QTMAN: variants seen among roughly 807,000 people sequenced by gnomAD.
QTMAN encodes the protein queuosine-tRNA mannosyltransferase, also known as tRNA-queuosine alpha-mannosyltransferase.
At chr2:144,165,484 A>AAG in the QTMAN span, among the ~76,000 whole-genome samples, 1 of 152,306 alleles carries the variant, frequency 6.6e-6, no homozygotes, top group East Asian at 1.9e-4. Context: ...TACTTGGCAT[A>AAG]TTCACTACCA....
At chr2:143,975,374 C>G in the QTMAN span, among the ~76,000 whole-genome samples, 1 of 152,200 alleles carries the variant, frequency 6.6e-6, no homozygotes, top group Non-Finnish European at 1.5e-5. Flanking sequence ...TCTCCTTAGT[C>G]TCTTCCCTTG....
At chr2:143,997,901 T>G in the QTMAN span, among the ~76,000 whole-genome samples, 1 of 152,094 alleles carries the variant, frequency 6.6e-6, no homozygotes, top group East Asian at 1.9e-4. Context: ...TGAGGAACAT[T>G]AACCCCTGGC....
chr2:144,189,808 G>C, the QTMAN span, among the ~76,000 whole-genome samples: 2 of 152,036 alleles, frequency 1.3e-5, no homozygotes, highest in African/African-American at 2.4e-5. Context: ...TTTTAGTAGA[G>C]ATGGGGTTTC....
At chr2:144,051,720 A>T in the QTMAN span, among the ~76,000 whole-genome samples, 2 of 152,150 alleles carry the variant, frequency 1.3e-5, no homozygotes, top group Non-Finnish European at 2.9e-5. Context: ...CTTCATGAAG[A>T]AGTAGAAAGC....
the QTMAN span, chr2:144,177,071 C>G: frequency 1.7e-6 from 1 of 594,966 alleles, no homozygotes; most frequent in South Asian, 1.6e-5. Flanking sequence ...AGAATTCTAT[C>G]ACAAGGACAG....
At chr2:143,947,053 C>A in the QTMAN span, 9 of 1,609,768 alleles carry the variant, frequency 5.6e-6, no homozygotes, top group African/African-American at 1.3e-5. Context: ...CCCCATCTGT[C>A]ACAAATCTTC....
At chr2:144,158,759 G>C in the QTMAN span, among the ~76,000 whole-genome samples, 3 of 151,932 alleles carry the variant, frequency 2.0e-5, no homozygotes, top group African/African-American at 7.2e-5. Flanking sequence ...CCAAAATTAT[G>C]GTTCCCTCAG....
chr2:144,076,610 A>C, the QTMAN span, among the ~76,000 whole-genome samples: 4 of 152,200 alleles, frequency 2.6e-5, no homozygotes, highest in Admixed American at 6.5e-5. Context: ...TGCTCACTTA[A>C]TAGGTGAAAA....
the QTMAN span, chr2:144,317,435 G>GGAAGGAAGGAAGGA: frequency 1.4e-4 from 9 of 66,052 alleles, no homozygotes; most frequent in Admixed American, 3.0e-4. Flanking sequence ...GGAAGGAAGG[G>GGAAGGAAGGAAGGA]ACAATAAAAT....
chr2:144,151,932 A>T, the QTMAN span, among the ~76,000 whole-genome samples: 1 of 152,200 alleles, frequency 6.6e-6, no homozygotes, highest in Non-Finnish European at 1.5e-5. Context: ...TTACAAGAAC[A>T]CTGCCTAACA....
At chr2:144,277,801 C>G in the QTMAN span, among the ~76,000 whole-genome samples, 36 of 152,056 alleles carry the variant, frequency 2.4e-4, no homozygotes, top group Non-Finnish European at 5.0e-4. Flanking sequence ...TGCCCCTTTC[C>G]TTTTTGAAAG....
At chr2:143,982,774 C>A in the QTMAN span, among the ~76,000 whole-genome samples, 4 of 149,866 alleles carry the variant, frequency 2.7e-5, no homozygotes, top group Non-Finnish European at 4.4e-5. Flanking sequence ...CACAGGAGAA[C>A]CTCCGTGTGG....
chr2:143,996,159 G>A, the QTMAN span, among the ~76,000 whole-genome samples: 1 of 152,148 alleles, frequency 6.6e-6, no homozygotes, highest in Non-Finnish European at 1.5e-5. Context: ...GAGATCAGAA[G>A]GGCAGTCCTC....
At chr2:143,992,051 G>A in the QTMAN span, among the ~76,000 whole-genome samples, 2 of 152,352 alleles carry the variant, frequency 1.3e-5, no homozygotes, top group East Asian at 3.9e-4. Flanking sequence ...AGCTCATTGA[G>A]AACGGGCCAT....
the QTMAN span, among the ~76,000 whole-genome samples, chr2:144,175,250 C>T: frequency 2.3e-4 from 35 of 152,258 alleles, no homozygotes; most frequent in Non-Finnish European, 4.0e-4. Flanking sequence ...AATCTTACCA[C>T]TCTGTTCATT....
the QTMAN span, among the ~76,000 whole-genome samples, chr2:144,013,779 T>G: frequency 6.6e-6 from 1 of 152,154 alleles, no homozygotes; most frequent in Non-Finnish European, 1.5e-5. Context: ...CTTGGGTGAT[T>G]TACAACAAAA....
chr2:144,066,082 T>C, the QTMAN span, among the ~76,000 whole-genome samples: 25,231 of 152,116 alleles, frequency 0.17, 4,029 homozygotes, highest in African/African-American at 0.41. Flanking sequence ...ATCTTCTGCA[T>C]GCTGTGGATT....
At chr2:144,078,706 C>G in the QTMAN span, among the ~76,000 whole-genome samples, 2 of 152,136 alleles carry the variant, frequency 1.3e-5, no homozygotes, top group African/African-American at 4.8e-5. Flanking sequence ...CATTTTCATA[C>G]TAACAACATA....
At chr2:144,059,487 G>A in the QTMAN span, among the ~76,000 whole-genome samples, 1 of 152,198 alleles carries the variant, frequency 6.6e-6, no homozygotes, top group Non-Finnish European at 1.5e-5. Flanking sequence ...TTAAATAAAG[G>A]ATGAGTGAGC....
Sources: gnomAD v4.1 joint callset for allele counts (sites outside exome capture counted in the v4.1 genomes callset) on GRCh38, gnomAD v4.1.1 for gene constraint, MANE v1.5 for transcripts, NCBI Gene and HGNC (gene_info 2026-07-23, HGNC 2026-07-21) for gene names.